CCDC73: variants seen among roughly 807,000 people sequenced by gnomAD.
The protein encoded by CCDC73 is coiled-coil domain-containing protein 73.
In CCDC73, 95 loss-of-function variants were observed where a neutral mutation model predicts 116.5. That is an observed-to-expected ratio of 0.82 (90% CI 0.69 to 0.97). The LOEUF (loss-of-function observed/expected upper bound fraction) is 0.97. CCDC73 is among the 50% of genes least tolerant of loss of function. CCDC73 has a pLI of 0.00. For missense variants in CCDC73, 1,066 were observed against 1,206.8 expected, an observed-to-expected ratio of 0.88 and a Z score of 1.73; for synonymous variants, 398 against 401.3, an observed-to-expected ratio of 0.99 and a Z score of 0.10.
intron 1 of CCDC73, among the ~76,000 whole-genome samples, chr11:32,793,033 C>A (rs574095001): frequency 1.6e-4 from 24 of 152,232 alleles, no homozygotes; most frequent in African/African-American, 5.8e-4. Flanking sequence ...ACGGCCAGAG[C>A]GAAAGAAACT....
intron 1 of CCDC73, among the ~76,000 whole-genome samples, chr11:32,762,910 C>G (rs1243947022): frequency 2.0e-5 from 3 of 152,162 alleles, no homozygotes; most frequent in Non-Finnish European, 4.4e-5. Context: ...TAATACTGCA[C>G]TTTTCCAAGG....
chr11:32,745,187 T>C (rs1237974760), intron 2 of CCDC73, among the ~76,000 whole-genome samples: 4 of 152,216 alleles, frequency 2.6e-5, no homozygotes, highest in Non-Finnish European at 4.4e-5. Flanking sequence ...AGGAGCAGGT[T>C]GTTCAGTTTC....
chr11:32,725,109 A>T (rs1850020058), intron 2 of CCDC73, among the ~76,000 whole-genome samples: 1 of 152,068 alleles, frequency 6.6e-6, no homozygotes, highest in Non-Finnish European at 1.5e-5. Context: ...TTAGTGAAGT[A>T]AGAAGATGTC....
At chr11:32,739,319 A>C (rs894700182) in intron 2 of CCDC73, among the ~76,000 whole-genome samples, 1 of 152,040 alleles carries the variant, frequency 6.6e-6, no homozygotes, top group African/African-American at 2.4e-5. Context: ...ATTCTTCCAA[A>C]CCATGAACAT....
At chr11:32,656,427 G>A (rs1341422275) in intron 9 of CCDC73, among the ~76,000 whole-genome samples, 1 of 152,120 alleles carries the variant, frequency 6.6e-6, no homozygotes, top group Non-Finnish European at 1.5e-5. Context: ...AAGCAAAGAT[G>A]CCAGGTACCA....
intron 9 of CCDC73, among the ~76,000 whole-genome samples, chr11:32,672,521 T>G (rs926503175): frequency 6.6e-6 from 1 of 152,144 alleles, no homozygotes; most frequent in African/African-American, 2.4e-5. Context: ...ATTACTAAAG[T>G]CATTGTTAAA....
intron 2 of CCDC73, among the ~76,000 whole-genome samples, chr11:32,728,738 T>G (rs1344822725): frequency 6.6e-6 from 1 of 152,212 alleles, no homozygotes; most frequent in Non-Finnish European, 1.5e-5. Flanking sequence ...GGAGTCTCGC[T>G]CTGTCGCCCA....
At chr11:32,677,277 A>G (rs1053041898) in intron 7 of CCDC73, among the ~76,000 whole-genome samples, 3 of 152,186 alleles carry the variant, frequency 2.0e-5, no homozygotes, top group Admixed American at 6.5e-5. Flanking sequence ...ACTTTATTGA[A>G]ATACTTTTTC....
chr11:32,703,753 T>A (rs796120157), intron 3 of CCDC73, among the ~76,000 whole-genome samples: 1 of 152,152 alleles, frequency 6.6e-6, no homozygotes, highest in South Asian at 2.1e-4. Context: ...AAAATCTACA[T>A]ATGATTCCAT....
intron 9 of CCDC73, among the ~76,000 whole-genome samples, chr11:32,669,349 G>C (rs1053037904): frequency 1.3e-5 from 2 of 151,948 alleles, no homozygotes; most frequent in Non-Finnish European, 2.9e-5. Context: ...GGGTACATAG[G>C]TGTATATATT....
chr11:32,797,790 C>T (rs1290146606), upstream of CCDC73, among the ~76,000 whole-genome samples: 2 of 152,188 alleles, frequency 1.3e-5, no homozygotes, highest in Non-Finnish European at 2.9e-5. Flanking sequence ...TTTACTAGCT[C>T]AGGACATTGG....
chr11:32,830,425 A>G, the CCDC73 span: 2 of 1,137,394 alleles, frequency 1.8e-6, no homozygotes, highest in Non-Finnish European at 2.4e-6. Context: ...TGAGTACAAC[A>G]GGTTGGTGAT....
At chr11:32,624,601 T>C (rs1855553229) in intron 14 of CCDC73, among the ~76,000 whole-genome samples, 1 of 152,160 alleles carries the variant, frequency 6.6e-6, no homozygotes, top group South Asian at 2.1e-4. Context: ...CCTCAAAAAG[T>C]TAAATATAGA....
At chr11:32,758,418 A>C in intron 2 of CCDC73, 1 of 492,112 alleles carries the variant, frequency 2.0e-6, no homozygotes, top group Non-Finnish European at 4.0e-6. Flanking sequence ...CATGCCTCCA[A>C]GTAGATTTCA....
In CCDC73 at chr11:32,613,994, G is replaced by A; in HGVS notation, c.2324C>T (p.Ser775Phe). Reference protein sequence around the residue: ...GYLENTNVNISHLHLNNENSH... With the variant: ...GYLENTNVNIFHLHLNNENSH... The stretch of plus-strand genomic sequence containing the variant: ...ATTCTCATTGTTAAGATGAAGATGG[G>A]AAATGTTCACATTAGTGTTTTCTAA... The change falls in exon 16 of 18, where the codon TCC (serine) becomes TTC (phenylalanine). Residue 775 changes from serine to phenylalanine, a missense_variant. Ser to Phe is a radical substitution (Grantham distance 155, BLOSUM62 -2). Transcript: ENST00000335185. 1 of 1,610,904 alleles carries A rather than the reference G, an allele frequency of 6.2e-7. No individual in the cohort carries two copies. The highest frequency in any genetic ancestry group is 8.5e-7 in the Non-Finnish European group (1 of 1,179,632).
chr11:32,737,038 C>T (rs1306712172), intron 2 of CCDC73, among the ~76,000 whole-genome samples: 1 of 151,132 alleles, frequency 6.6e-6, no homozygotes, highest in Non-Finnish European at 1.5e-5. Context: ...CTTCCCACCT[C>T]AGCCTCCCTA....
chr11:32,718,176 A>G (rs575941108), intron 2 of CCDC73, 29 bp from the exon 3 acceptor site: 1 of 1,483,626 alleles, frequency 6.7e-7, no homozygotes. Context: ...GAAAAGTGCT[A>G]TAAAAATAAA....
intron 14 of CCDC73, among the ~76,000 whole-genome samples, chr11:32,634,482 C>T (rs961962184): frequency 6.6e-6 from 1 of 151,996 alleles, no homozygotes; most frequent in East Asian, 1.9e-4. Flanking sequence ...GTGATAAAAG[C>T]TCAGCAAACC....
chr11:32,631,296 C>T (rs184495164), intron 14 of CCDC73, among the ~76,000 whole-genome samples: 342 of 152,280 alleles, frequency 2.2e-3, no homozygotes, highest in Middle Eastern at 0.014. Context: ...TTCTCTTCAA[C>T]AGCACATGAA....
Sources: gnomAD v4.1 joint callset for allele counts (sites outside exome capture counted in the v4.1 genomes callset) on GRCh38, gnomAD v4.1.1 for gene constraint, MANE v1.5 for transcripts, NCBI Gene and HGNC (gene_info 2026-07-23, HGNC 2026-07-21) for gene names.